The following VPS41 variants were observed in gnomAD, a reference collection of about 807,000 sequenced individuals.
VPS41 encodes the protein VPS41 subunit of HOPS complex.
Under a neutral mutation model 130.9 loss-of-function variants are expected in VPS41, and 85 were observed. That is an observed-to-expected ratio of 0.65 (90% CI 0.55 to 0.78). The LOEUF is 0.78. VPS41 is among the 30% of genes least tolerant of loss of function. VPS41 has a pLI of 0.00. For missense variants in VPS41, 874 were observed against 1,018.7 expected (o/e 0.86, Z 1.93); for synonymous variants, 335 against 332.9 (o/e 1.01, Z -0.07).
At chr7:38,739,824 T>C (rs972225672) in intron 25 of VPS41, among the ~76,000 whole-genome samples, 3 of 152,206 alleles carry the variant, frequency 2.0e-5, no homozygotes. Flanking sequence ...CCTTAACACA[T>C]TACCGAACTA....
chr7:38,796,098 G>A (rs1282133800), intron 8 of VPS41, among the ~76,000 whole-genome samples: 1 of 152,120 alleles, frequency 6.6e-6, no homozygotes, highest in Non-Finnish European at 1.5e-5. Flanking sequence ...TACCTTCATC[G>A]TGACCCAGGA....
rs373621950 is a variant in VPS41 at position 38,795,501 on chromosome 7, A to T, written c.681T>A (p.Asn227Lys). Reference protein sequence around the residue: ...MYPCSLCWKDNVTLIIGWGTS... With the variant: ...MYPCSLCWKDKVTLIIGWGTS... ...TCCCCCAGCCAATAATCAGTGTCAC[A>T]TTGTCCTTCCAGCAGAGGCTGCAGG... The change falls in exon 9 of 29, where the codon AAT (asparagine) becomes AAA (lysine). Residue 227 changes from asparagine to lysine, a missense_variant. Physicochemically the swap from Asn to Lys is moderately conservative, Grantham distance 94 (BLOSUM62 0). Coordinates refer to ENST00000310301, the MANE Select transcript of VPS41 (RefSeq NM_014396.4). 8.1e-6 allele frequency: 13 copies of T among 1,613,452 alleles called. No individual in the cohort carries two copies. The East Asian group carries it at 2.7e-4, about 33-fold the overall frequency.
At chr7:38,759,802 A>C (rs1327559532) in intron 17 of VPS41, among the ~76,000 whole-genome samples, 1 of 152,158 alleles carries the variant, frequency 6.6e-6, no homozygotes, top group Non-Finnish European at 1.5e-5. Context: ...AGAGTCCTCT[A>C]ATGCACTTAG....
intron 4 of VPS41, among the ~76,000 whole-genome samples, chr7:38,835,004 C>T (rs545857941): frequency 1.5e-4 from 23 of 151,968 alleles, no homozygotes; most frequent in South Asian, 2.1e-4. Context: ...ATTTACTATA[C>T]GGTCATTATA....
chr7:38,887,162 C>T (rs563019099), intron 2 of VPS41, among the ~76,000 whole-genome samples: 1 of 152,306 alleles, frequency 6.6e-6, no homozygotes, highest in African/African-American at 2.4e-5. Context: ...GGGAACAAAA[C>T]TGGATGGATA....
chr7:38,836,783 A>G (rs951807619), intron 4 of VPS41, among the ~76,000 whole-genome samples: 4 of 152,192 alleles, frequency 2.6e-5, no homozygotes, highest in African/African-American at 9.6e-5. Context: ...TGGAAACAGC[A>G]AACTTTTTAA....
chr7:38,882,395 G>A (rs1786631865), intron 2 of VPS41, among the ~76,000 whole-genome samples: 3 of 152,076 alleles, frequency 2.0e-5, no homozygotes, highest in African/African-American at 7.2e-5. Context: ...AAATGTGGTA[G>A]CACCCCTCAG....
chr7:38,823,173 G>C (rs1195773672), intron 5 of VPS41, among the ~76,000 whole-genome samples: 1 of 152,172 alleles, frequency 6.6e-6, no homozygotes. Context: ...AGCCCTCATA[G>C]GTGAGATTGG....
intron 4 of VPS41, among the ~76,000 whole-genome samples, chr7:38,830,999 C>T (rs1251034587): frequency 2.0e-5 from 3 of 152,158 alleles, no homozygotes; most frequent in Non-Finnish European, 2.9e-5. Context: ...AAGGAATCTA[C>T]AAAGAAAGCA....
At chr7:38,886,460 G>C (rs185328736) in intron 2 of VPS41, among the ~76,000 whole-genome samples, 1,555 of 152,298 alleles carry the variant, frequency 0.01, 6 homozygotes, top group Non-Finnish European at 0.014. Flanking sequence ...GGTGTCTGCC[G>C]TTACTGAGGC....
At chr7:38,829,240 T>G (rs1035594816) in intron 5 of VPS41, among the ~76,000 whole-genome samples, 1 of 152,198 alleles carries the variant, frequency 6.6e-6, no homozygotes, top group African/African-American at 2.4e-5. Context: ...AAAGACTCTT[T>G]GGGCAACATT....
chr7:38,741,427 C>A, intron 25 of VPS41: 1 of 240,898 alleles, frequency 4.2e-6, no homozygotes, highest in Non-Finnish European at 8.7e-6. Context: ...ATGAGTTCCA[C>A]TGTTCTTATG....
chr7:38,765,879 T>A (rs1784033596), intron 15 of VPS41: 1 of 414,140 alleles, frequency 2.4e-6, no homozygotes, highest in Non-Finnish European at 4.2e-6. Flanking sequence ...AAAGTTAATA[T>A]AAAATGCTTA....
At chr7:38,736,025 T>C (rs754777948) in intron 25 of VPS41, among the ~76,000 whole-genome samples, 3 of 152,184 alleles carry the variant, frequency 2.0e-5, no homozygotes, top group Non-Finnish European at 4.4e-5. Context: ...AAACCCCAAT[T>C]ATACCTAAAA....
intron 10 of VPS41, among the ~76,000 whole-genome samples, chr7:38,789,104 A>G (rs1784489812): frequency 6.6e-6 from 1 of 152,190 alleles, no homozygotes; most frequent in Non-Finnish European, 1.5e-5. Flanking sequence ...TCTCCTGAAC[A>G]GCTGTTTCCC....
At chr7:38,727,393 G>A (rs543749034) in intron 27 of VPS41, among the ~76,000 whole-genome samples, 6 of 152,294 alleles carry the variant, frequency 3.9e-5, no homozygotes, top group South Asian at 2.1e-4. Context: ...ACTCAGAGGC[G>A]GACCTGGGTT....
In VPS41 at chr7:38,883,571, GT is replaced by G. The variant is rs1786658328; in HGVS notation, c.61-14319del. Among the ~76,000 whole-genome samples the G allele has an allele frequency of 2.0e-5, 3 of 152,084 alleles. No homozygotes were observed. In the South Asian group the frequency reaches 6.2e-4, roughly 32 times the overall value. On this transcript the variant is annotated intron_variant, in intron 2 of 28. Transcript: ENST00000310301. ...TTCACTTGGTTTATTATATATTTAA[GT>G]TTTTTTGTTTACTGTCTCCCTCATG...
rs114791030 is a variant in VPS41 at position 38,860,060 on chromosome 7, C to G, written c.246+2485G>C. Among the ~76,000 whole-genome samples the G allele has an allele frequency of 6.4e-3, 980 of 152,102 alleles. 9 individuals are homozygous for G. Among genetic ancestry groups the G allele is most frequent in the African/African-American group, 0.022 (932 of 41,492 alleles). On this transcript the variant is annotated intron_variant, in intron 4 of 28. Coordinates refer to ENST00000310301, the MANE Select transcript of VPS41 (RefSeq NM_014396.4). ...TCATTCTTCAGCAACAAAAGATGGC[C>G]GTATAAAACAGAATCCTGTCAACCT... is the stretch of plus-strand genomic sequence containing the variant.
At chr7:38,755,094 C>T (rs1360698636) in intron 19 of VPS41, among the ~76,000 whole-genome samples, 158 bp from the exon 20 acceptor site, 2 of 152,206 alleles carry the variant, frequency 1.3e-5, no homozygotes, top group Admixed American at 6.5e-5. Flanking sequence ...TGGAAAATGA[C>T]ATTTGTGAAG....
Sources: gnomAD v4.1 joint callset for allele counts (sites outside exome capture counted in the v4.1 genomes callset) on GRCh38, gnomAD v4.1.1 for gene constraint, MANE v1.5 for transcripts, NCBI Gene and HGNC (gene_info 2026-07-23, HGNC 2026-07-21) for gene names.